The following WIF1 variants were observed in gnomAD, a reference collection of about 807,000 sequenced individuals.
WIF1 encodes the protein Wnt inhibitory factor 1.
A neutral mutation model predicts 53.5 loss-of-function variants in WIF1; 35 were observed. The ratio of observed to expected loss-of-function variants is 0.65; its 90% CI spans 0.50 to 0.87. The LOEUF is 0.87. WIF1 is among the 40% of genes least tolerant of loss of function. The pLI, the probability that WIF1 is intolerant of heterozygous loss-of-function variation, is 0.00. For missense variants in WIF1, 467 were observed against 476.8 expected, an observed-to-expected ratio of 0.98 and a Z score of 0.19; for synonymous variants, 171 against 170.4, an observed-to-expected ratio of 1.00 and a Z score of -0.03.
chr12:65,097,171 AAAG>A (rs1883218152), intron 2 of WIF1, among the ~76,000 whole-genome samples: 1 of 152,102 alleles, frequency 6.6e-6, no homozygotes, highest in Non-Finnish European at 1.5e-5. Context: ...AAAAAAAAAA[AAAG>A]AACAGCTCTG....
At chr12:65,057,978 A>T (rs1224461318) in intron 7 of WIF1, among the ~76,000 whole-genome samples, 2 of 152,166 alleles carry the variant, frequency 1.3e-5, no homozygotes, top group Non-Finnish European at 2.9e-5. Context: ...GTCTCTCACA[A>T]ACCTGGAATG....
chr12:65,111,330 C>A (rs1883428330), intron 2 of WIF1, among the ~76,000 whole-genome samples: 1 of 152,132 alleles, frequency 6.6e-6, no homozygotes, highest in Non-Finnish European at 1.5e-5. Flanking sequence ...CTCCTTTCTA[C>A]TTTTTCATTA....
chr12:65,103,247 G>A (rs1362550226), intron 2 of WIF1, among the ~76,000 whole-genome samples: 3 of 152,268 alleles, frequency 2.0e-5, no homozygotes, highest in African/African-American at 7.2e-5. Flanking sequence ...GTTATCTAAA[G>A]TTTCACCAAT....
intron 2 of WIF1, among the ~76,000 whole-genome samples, chr12:65,084,518 T>G (rs978351): frequency 0.55 from 84,321 of 152,140 alleles, 25,511 homozygotes; most frequent in East Asian, 0.87. Flanking sequence ...TAAACCAGCT[T>G]GGCCCTTAAA....
Position 65,062,530 on chromosome 12 carries a change from A to G in WIF1, c.777T>C (p.Pro259=), listed in dbSNP as rs767472917. The change falls in exon 7 of 10, where the codon CCT becomes CCC. Residue 259 remains proline (P), a synonymous_variant. Coordinates refer to ENST00000286574, the MANE Select transcript of WIF1 (RefSeq NM_007191.5). ...TCFNGGTCFY[P]GKCICPPGLE... Reference sequence around the variant, plus strand: ...GTCCTGGAGGGCAAATACATTTTCCAGGGTAGAAACAGGTCCCTCCATTAA... The same window carrying G: ...GTCCTGGAGGGCAAATACATTTTCCGGGGTAGAAACAGGTCCCTCCATTAA... The G allele has an allele frequency of 6.8e-6, 11 of 1,608,764 alleles. 1 individual carries two copies. Among genetic ancestry groups the G allele is most frequent in the Non-Finnish European group, 6.8e-6 (8 of 1,177,232 alleles).
At chr12:65,054,337 T>G (rs1318181950) in intron 9 of WIF1, among the ~76,000 whole-genome samples, 2 of 152,216 alleles carry the variant, frequency 1.3e-5, no homozygotes, top group East Asian at 3.9e-4. Context: ...CTGTGTTGTT[T>G]TGTTAATTTG....
At chr12:65,092,508 G>GTATATATATGTGTGTA (rs1883141374) in intron 2 of WIF1, among the ~76,000 whole-genome samples, 1 of 146,700 alleles carries the variant, frequency 6.8e-6, no homozygotes, top group Non-Finnish European at 1.5e-5. Flanking sequence ...ATATATGTGT[G>GTATATATATGTGTGTA]TATATATATA....
rs1050951909 is a variant in WIF1 at position 65,097,160 on chromosome 12, T to TA, written c.289-19307dup. ...AAAACTGGGCCTCTTTTATTCACCT[T>TA]AAAAAAAAAAAAAGAACAGCTCTGA... On this transcript the variant is annotated intron_variant, in intron 2 of 9. Transcript: ENST00000286574. Among the ~76,000 whole-genome samples the TA allele has an allele frequency of 2.9e-3, 418 of 141,938 alleles. 1 individual carries two copies. Among genetic ancestry groups the TA allele is most frequent in the African/African-American group, 4.5e-3 (174 of 38,958 alleles). The allele number at this position is 141,938 out of a possible 152,430, so 93.1% of individuals were successfully genotyped here.
At chr12:65,056,538 A>G (rs1882531046) in intron 7 of WIF1, among the ~76,000 whole-genome samples, 1 of 151,342 alleles carries the variant, frequency 6.6e-6, no homozygotes, top group Non-Finnish European at 1.5e-5. Flanking sequence ...ATTACTTTTT[A>G]ATAAACAGAA....
At chr12:65,108,605 A>G (rs1228698971) in intron 2 of WIF1, among the ~76,000 whole-genome samples, 1 of 152,144 alleles carries the variant, frequency 6.6e-6, no homozygotes, top group Admixed American at 6.6e-5. Flanking sequence ...CCCATGCTCA[A>G]TAAGTCCTGT....
intron 5 of WIF1, among the ~76,000 whole-genome samples, chr12:65,067,278 T>A (rs1217203098): frequency 6.6e-6 from 1 of 152,200 alleles, no homozygotes; most frequent in African/African-American, 2.4e-5. Flanking sequence ...CATTTATTTT[T>A]AAAAATTAAT....
intron 2 of WIF1, among the ~76,000 whole-genome samples, chr12:65,080,639 T>C (rs1038829680): frequency 6.6e-6 from 1 of 152,230 alleles, no homozygotes; most frequent in Non-Finnish European, 1.5e-5. Flanking sequence ...GATTTAGTGA[T>C]AGATGCCCTT....
chr12:65,088,487 C>A (rs920106088), intron 2 of WIF1, among the ~76,000 whole-genome samples: 1 of 152,068 alleles, frequency 6.6e-6, no homozygotes, highest in South Asian at 2.1e-4. Flanking sequence ...CATCATTATG[C>A]TTTTAAAAGA....
At chr12:65,081,021 A>G (rs1169448662) in intron 2 of WIF1, among the ~76,000 whole-genome samples, 1 of 152,092 alleles carries the variant, frequency 6.6e-6, no homozygotes, top group Non-Finnish European at 1.5e-5. Context: ...AGATTAAAAC[A>G]ATGATTGTGT....
intron 2 of WIF1, among the ~76,000 whole-genome samples, chr12:65,116,469 G>A (rs1883512147): frequency 6.6e-6 from 1 of 151,878 alleles, no homozygotes; most frequent in South Asian, 2.1e-4. Flanking sequence ...ACCCTCAGAT[G>A]GGACCATCTA....
chr12:65,097,921 T>C (rs1313743036), intron 2 of WIF1, among the ~76,000 whole-genome samples: 1 of 152,196 alleles, frequency 6.6e-6, no homozygotes, highest in African/African-American at 2.4e-5. Flanking sequence ...AGGAAAAACA[T>C]GTTTACTAAA....
chr12:65,094,976 G>A (rs188925742), intron 2 of WIF1, among the ~76,000 whole-genome samples: 16 of 149,888 alleles, frequency 1.1e-4, no homozygotes, highest in African/African-American at 2.7e-4. Context: ...TCTGTCACCC[G>A]GGCTAAAGTG....
At chr12:65,056,366 C>CTTTTTTTTTT (rs10584146) in intron 7 of WIF1, among the ~76,000 whole-genome samples, 1 of 24,264 alleles carries the variant, frequency 4.1e-5, no homozygotes, top group African/African-American at 1.4e-4. Context: ...CATTTATATC[C>CTTTTTTTTTT]TTTTTTTTTT....
chr12:65,103,714 A>G (rs1356100187), intron 2 of WIF1, among the ~76,000 whole-genome samples: 1 of 152,204 alleles, frequency 6.6e-6, no homozygotes, highest in African/African-American at 2.4e-5. Flanking sequence ...TGGAGGTAAA[A>G]TAATATACAT....
Sources: gnomAD v4.1 joint callset for allele counts (sites outside exome capture counted in the v4.1 genomes callset) on GRCh38, gnomAD v4.1.1 for gene constraint, MANE v1.5 for transcripts, NCBI Gene and HGNC (gene_info 2026-07-23, HGNC 2026-07-21) for gene names.